The following COL4A4 variants were observed in gnomAD, a reference collection of about 807,000 sequenced individuals.
The protein encoded by COL4A4 is collagen alpha-4(IV) chain.
In COL4A4, 105 loss-of-function variants were observed where a neutral mutation model predicts 192.9. The ratio of observed to expected loss-of-function variants is 0.54; its 90% CI spans 0.46 to 0.64. COL4A4 has a LOEUF of 0.64. Ranked by LOEUF, COL4A4 falls within the 30% of genes least tolerant of loss-of-function variation. The pLI is 0.00. For missense variants in COL4A4, 1,967 were observed against 2,169.3 expected (o/e 0.91, Z 1.85); for synonymous variants, 762 against 769.9 (o/e 0.99, Z 0.17).
chr2:227,161,960 C>T (rs2064874036), intron 1 of COL4A4, among the ~76,000 whole-genome samples: 1 of 151,932 alleles, frequency 6.6e-6, no homozygotes, highest in African/African-American at 2.4e-5. Flanking sequence ...AATCAAATTT[C>T]ACTATGTGAC....
intron 10 of COL4A4, 95 bp downstream of exon 10, chr2:227,109,129 C>T (rs772307981): frequency 8.5e-7 from 1 of 1,172,814 alleles, no homozygotes; most frequent in East Asian, 2.3e-5. Context: ...TCTCAAACGG[C>T]CCACCTGTGT....
chr2:227,044,333 T>C (rs1972014324), intron 35 of COL4A4, among the ~76,000 whole-genome samples: 1 of 152,258 alleles, frequency 6.6e-6, no homozygotes, highest in East Asian at 1.9e-4. Context: ...ATTTACAATG[T>C]ATGAGTTTAA....
chr2:227,047,620 G>T (rs144596833), intron 34 of COL4A4, 71 bp from the exon 35 acceptor site: 2 of 953,072 alleles, frequency 2.1e-6, no homozygotes, highest in Non-Finnish European at 3.4e-6. Context: ...TGACAGTAAC[G>T]TTTATGGTAT....
chr2:227,031,647 T>C (rs1167871245), intron 40 of COL4A4, among the ~76,000 whole-genome samples: 1 of 152,048 alleles, frequency 6.6e-6, no homozygotes, highest in Non-Finnish European at 1.5e-5. Context: ...CTGAAGACAT[T>C]TGGTCAGCAT....
chr2:227,010,783 C>T (rs939596360), intron 45 of COL4A4, among the ~76,000 whole-genome samples: 2 of 152,172 alleles, frequency 1.3e-5, no homozygotes, highest in African/African-American at 4.8e-5. Context: ...GCTTGCATTA[C>T]ACTTGAGGAA....
intron 25 of COL4A4, among the ~76,000 whole-genome samples, chr2:227,064,078 C>T (rs2058142652): frequency 6.6e-6 from 1 of 152,116 alleles, no homozygotes; most frequent in South Asian, 2.1e-4. Flanking sequence ...AGAAGAGACT[C>T]ATTTTAGCTT....
At chr2:227,009,563 T>C (rs1341251699) in intron 46 of COL4A4, among the ~76,000 whole-genome samples, 8 of 151,948 alleles carry the variant, frequency 5.3e-5, no homozygotes, top group African/African-American at 1.7e-4. Flanking sequence ...CCAGGCATGG[T>C]GGCACAAGTC....
At position 227,148,522 on chromosome 2, in the gene COL4A4, G is replaced by T. The variant is rs114165014; in HGVS notation, c.-101-938C>A. On this transcript the variant is annotated intron_variant, in intron 1 of 47. Transcript: ENST00000396625. Reference sequence around the variant, plus strand: ...GAATTGAGTTTCTTTCTGGGATGATGTAATTGCAGTGGTTATGGCTGCACA... The same window carrying T: ...GAATTGAGTTTCTTTCTGGGATGATTTAATTGCAGTGGTTATGGCTGCACA... 6.0e-3 allele frequency among the ~76,000 whole-genome samples: 916 copies of T among 152,300 alleles called. 6 individuals are homozygous for T. Among genetic ancestry groups the T allele is most frequent in the African/African-American group, 0.021 (866 of 41,566 alleles).
intron 34 of COL4A4, among the ~76,000 whole-genome samples, chr2:227,048,678 T>C (rs1973421431): frequency 6.6e-6 from 1 of 152,168 alleles, no homozygotes; most frequent in South Asian, 2.1e-4. Flanking sequence ...TGACTCCAGG[T>C]ATTTTGAGTG....
intron 21 of COL4A4, 71 bp from the exon 22 acceptor site, chr2:227,088,887 A>G: frequency 3.2e-6 from 5 of 1,541,776 alleles, no homozygotes; most frequent in Non-Finnish European, 4.5e-6. Flanking sequence ...TTTACTGTAC[A>G]AAACCAATAG....
rs567710192 is a variant in COL4A4, at chr2:227,071,815, A to G, written c.1987+6079T>C. ...TGAATGATATCTGGGTTAACAATGA[A>G]ATCAGGATGGACATTTAAAAATTAT... is the stretch of plus-strand genomic sequence containing the variant. On this transcript the variant is annotated intron_variant, in intron 25 of 47. Coordinates refer to ENST00000396625, the MANE Select transcript of COL4A4 (RefSeq NM_000092.5). Among the ~76,000 whole-genome samples the G allele has an allele frequency of 1.2e-4, 19 of 152,288 alleles. No individual in the cohort carries two copies. In the East Asian group the frequency reaches 2.7e-3, roughly 22 times the overall value.
intron 13 of COL4A4, 80 bp from the exon 14 acceptor site, chr2:227,103,277 T>G: frequency 1.8e-6 from 2 of 1,139,414 alleles, no homozygotes; most frequent in Non-Finnish European, 2.6e-6. Context: ...AAATCATCTC[T>G]TTTTACAATC....
chr2:227,080,664 A>T, intron 23 of COL4A4, 115 bp from the exon 24 acceptor site: 1 of 836,372 alleles, frequency 1.2e-6, no homozygotes, highest in South Asian at 1.4e-5. Flanking sequence ...TTTCCTGTGT[A>T]TCTCAATTGC....
At chr2:227,015,181 G>T (rs1964615368) in intron 44 of COL4A4, among the ~76,000 whole-genome samples, 2 of 152,262 alleles carry the variant, frequency 1.3e-5, no homozygotes, top group South Asian at 4.1e-4. Context: ...GATTACAGGT[G>T]TGAGCCACCA....
chr2:227,116,150 AAACGT>A (rs59491043), intron 7 of COL4A4, among the ~76,000 whole-genome samples: 5,079 of 152,284 alleles, frequency 0.033, 285 homozygotes, highest in African/African-American at 0.11. Flanking sequence ...AGCAGGGAAG[AAACGT>A]AACAATGTAT....
At chr2:227,045,797 TACAC>T (rs796861388) in intron 35 of COL4A4, among the ~76,000 whole-genome samples, 4 of 43,592 alleles carry the variant, frequency 9.2e-5, no homozygotes, top group African/African-American at 2.0e-4. Context: ...TATATATATA[TACAC>T]ATATATATAT....
At chr2:226,973,159 G>A in the COL4A4 span, among the ~76,000 whole-genome samples, 1 of 152,176 alleles carries the variant, frequency 6.6e-6, no homozygotes, top group East Asian at 1.9e-4. Context: ...CAGTGTGTAT[G>A]TGTGTGTACG....
chr2:226,988,685 CT>C, the COL4A4 span: 1 of 979,978 alleles, frequency 1.0e-6, no homozygotes, highest in Non-Finnish European at 1.2e-6. Flanking sequence ...GGTTTTCATA[CT>C]TTTTCTATCA....
At chr2:227,043,613 T>A (rs565705187) in intron 35 of COL4A4, among the ~76,000 whole-genome samples, 1 of 152,324 alleles carries the variant, frequency 6.6e-6, no homozygotes, top group South Asian at 2.1e-4. Flanking sequence ...GCTCTTTATA[T>A]CTCTTGTCAA....
Sources: gnomAD v4.1 joint callset for allele counts (sites outside exome capture counted in the v4.1 genomes callset) on GRCh38, gnomAD v4.1.1 for gene constraint, MANE v1.5 for transcripts, NCBI Gene and HGNC (gene_info 2026-07-23, HGNC 2026-07-21) for gene names.